Variants in ERC2 observed in about 807,000 individuals in gnomAD.
The protein encoded by ERC2 is ERC protein 2.
Under a neutral mutation model 114.8 loss-of-function variants are expected in ERC2, and 42 were observed. The ratio of observed to expected loss-of-function variants is 0.37; its 90% CI spans 0.29 to 0.47. The LOEUF (loss-of-function observed/expected upper bound fraction) is 0.47, where lower values mean the gene tolerates loss of function less well. ERC2 is among the 20% of genes least tolerant of loss of function. The pLI is 0.99. For synonymous variants in ERC2, 454 were observed against 425.5 expected, an observed-to-expected ratio of 1.07 and a Z score of -0.82; for missense variants, 939 against 1,150.7, an observed-to-expected ratio of 0.82 and a Z score of 2.66.
At chr3:55,546,695 G>T (rs2054776317) in intron 17 of ERC2, among the ~76,000 whole-genome samples, 1 of 152,218 alleles carries the variant, frequency 6.6e-6, no homozygotes, top group Admixed American at 6.5e-5. Flanking sequence ...GAAAACTGAG[G>T]TTCGGTGAGG....
chr3:55,999,667 G>A (rs1056568914), intron 10 of ERC2, among the ~76,000 whole-genome samples: 2 of 151,552 alleles, frequency 1.3e-5, no homozygotes, highest in African/African-American at 2.4e-5. Context: ...ATATAGATAT[G>A]CTTAAGACTA....
chr3:56,334,991 GACAGGGTTTC>G (rs2057786855), intron 2 of ERC2, among the ~76,000 whole-genome samples: 1 of 152,172 alleles, frequency 6.6e-6, no homozygotes, highest in Non-Finnish European at 1.5e-5. Context: ...ATTTAGTAGA[GACAGGGTTTC>G]ACTACGCTGG....
intron 12 of ERC2, 51 bp from the exon 13 acceptor site, chr3:55,950,611 T>C (rs753640661): frequency 1.9e-6 from 3 of 1,604,390 alleles, no homozygotes; most frequent in Non-Finnish European, 2.6e-6. Context: ...GAAGATCATA[T>C]GTTATCACAA....
At chr3:56,234,055 T>C (rs531711573) in intron 3 of ERC2, among the ~76,000 whole-genome samples, 1 of 152,346 alleles carries the variant, frequency 6.6e-6, no homozygotes, top group East Asian at 1.9e-4. Flanking sequence ...TCCTCATCTT[T>C]AGGGAGATAC....
intron 14 of ERC2, among the ~76,000 whole-genome samples, chr3:55,781,375 G>A (rs2069027345): frequency 6.6e-6 from 1 of 152,120 alleles, no homozygotes; most frequent in Non-Finnish European, 1.5e-5. Flanking sequence ...TGCTCTCCAG[G>A]GTAGGTGCTC....
chr3:56,392,849 A>G (rs2060177651), intron 2 of ERC2, among the ~76,000 whole-genome samples: 2 of 152,132 alleles, frequency 1.3e-5, no homozygotes, highest in Admixed American at 1.3e-4. Context: ...CTCAAAAGCT[A>G]CAGCAGGCAA....
intron 2 of ERC2, among the ~76,000 whole-genome samples, chr3:56,425,560 CTTTTTT>C (rs67210393): frequency 1.4e-4 from 17 of 123,998 alleles, no homozygotes; most frequent in Admixed American, 2.6e-4. Context: ...GACCCTTTTT[CTTTTTT>C]TTTTTTTTTT....
intron 6 of ERC2, among the ~76,000 whole-genome samples, chr3:56,117,815 A>G (rs1168698529): frequency 1.3e-5 from 2 of 152,236 alleles, no homozygotes; most frequent in Admixed American, 1.3e-4. Flanking sequence ...TCACTTCAGC[A>G]TCCAATGAGC....
At chr3:55,940,190 T>C (rs2066695335) in intron 13 of ERC2, among the ~76,000 whole-genome samples, 2 of 152,038 alleles carry the variant, frequency 1.3e-5, no homozygotes, top group South Asian at 4.1e-4. Context: ...GAAGGTGCTT[T>C]TAAATCACCA....
At chr3:56,388,694 A>G (rs2060022382) in intron 2 of ERC2, among the ~76,000 whole-genome samples, 1 of 152,088 alleles carries the variant, frequency 6.6e-6, no homozygotes, top group African/African-American at 2.4e-5. Flanking sequence ...CGTTGTCACA[A>G]TACTCTACCC....
intron 14 of ERC2, among the ~76,000 whole-genome samples, chr3:55,809,851 C>A (rs1381191982): frequency 6.6e-6 from 1 of 152,110 alleles, no homozygotes; most frequent in African/African-American, 2.4e-5. Flanking sequence ...CAAGTGTTTT[C>A]AACACATTTT....
intron 14 of ERC2, among the ~76,000 whole-genome samples, chr3:55,854,951 T>G (rs2061728503): frequency 6.6e-6 from 1 of 152,144 alleles, no homozygotes; most frequent in Non-Finnish European, 1.5e-5. Context: ...CACATCCTTG[T>G]TTGATGTGGG....
chr3:55,846,706 T>C (rs2149229730), intron 14 of ERC2, among the ~76,000 whole-genome samples: 1 of 151,820 alleles, frequency 6.6e-6, no homozygotes, highest in Admixed American at 6.6e-5. Flanking sequence ...TCTCTCTCTC[T>C]CTCTCTCTCT....
At chr3:55,547,969 A>G (rs1235726352) in intron 17 of ERC2, among the ~76,000 whole-genome samples, 4 of 152,180 alleles carry the variant, frequency 2.6e-5, no homozygotes, top group East Asian at 1.9e-4. Context: ...CCCATGAGAC[A>G]GGGCCAGGGG....
At chr3:56,181,014 A>C (rs2083260855) in intron 3 of ERC2, among the ~76,000 whole-genome samples, 1 of 152,210 alleles carries the variant, frequency 6.6e-6, no homozygotes, top group Non-Finnish European at 1.5e-5. Flanking sequence ...TTTTTAACTT[A>C]CAGAAATACC....
chr3:56,120,470 G>A (rs2079511045), intron 6 of ERC2, among the ~76,000 whole-genome samples: 1 of 152,184 alleles, frequency 6.6e-6, no homozygotes, highest in Non-Finnish European at 1.5e-5. Flanking sequence ...AAGGAATGGA[G>A]AGAGGGAAGA....
At chr3:56,281,213 G>A (rs569610474) in intron 3 of ERC2, among the ~76,000 whole-genome samples, 23 of 151,864 alleles carry the variant, frequency 1.5e-4, no homozygotes, top group East Asian at 5.8e-4. Flanking sequence ...CGAGGCGGGC[G>A]GATCACGAGG....
At chr3:56,439,136 GA>G (rs1407270222) in intron 1 of ERC2, among the ~76,000 whole-genome samples, 2 of 152,094 alleles carry the variant, frequency 1.3e-5, no homozygotes, top group Non-Finnish European at 2.9e-5. Flanking sequence ...ATATTTTGTA[GA>G]ACACACACAT....
intron 3 of ERC2, among the ~76,000 whole-genome samples, chr3:56,186,310 T>C (rs891850568): frequency 1.3e-5 from 2 of 152,090 alleles, no homozygotes; most frequent in African/African-American, 4.8e-5. Flanking sequence ...AGAAAACTAA[T>C]ATTGAATAGC....
Sources: allele counts gnomAD v4.1 joint callset (sites outside exome capture counted in the v4.1 genomes callset), GRCh38; gene constraint gnomAD v4.1.1; transcripts MANE v1.5; gene names NCBI Gene and HGNC (gene_info 2026-07-23, HGNC 2026-07-21).